RGS11: variants seen among roughly 807,000 people sequenced by gnomAD.
RGS11 encodes the protein regulator of G-protein signaling 11.
RGS11 carries 86 observed loss-of-function variants against 71.1 expected under a neutral mutation model. The ratio of observed to expected loss-of-function variants is 1.21; its 90% CI spans 1.02 to 1.45. RGS11 has a LOEUF of 1.45. Ranked by LOEUF, RGS11 falls within the 40% of genes most tolerant of loss-of-function variation. The pLI is 0.00. For synonymous variants in RGS11, 298 were observed against 254.2 expected, an observed-to-expected ratio of 1.17 and a Z score of -1.64; for missense variants, 734 against 635.1, an observed-to-expected ratio of 1.16 and a Z score of -1.67.
In RGS11 at chr16:275,067, C is replaced by T. The variant is rs2141428202; in HGVS notation, c.227G>A (p.Gly76Asp). 1 of 1,481,632 alleles carries T rather than the reference C, an allele frequency of 6.7e-7. No individual in the cohort carries two copies. Among genetic ancestry groups the T allele is most frequent in the East Asian group, 2.4e-5 (1 of 40,850 alleles). 91.8% of individuals were successfully genotyped at this position (1,481,632 alleles called of 1,614,324 possible). The part of the protein sequence containing the change: ...CVSEEEALHL[G>D]AVLVQHGYIY... ...GTAGCCATGCTGCACCAGGACGGCG[C>T]CCAGGTGCAGGGCCTCTGGGGAGGG... The change falls in exon 4 of 17, where the codon GGC becomes GAC. Residue 76 changes from glycine (G) to aspartate (D), a missense_variant. Gly to Asp is a moderately conservative substitution (Grantham distance 94, BLOSUM62 -1). Transcript: ENST00000397770.
At position 274,074 on chromosome 16, in the gene RGS11, C is replaced by T. The variant is rs757411764; in HGVS notation, c.398G>A (p.Arg133Gln). The stretch of plus-strand genomic sequence containing the variant: ...ATAATCCACCAGGGTCCCCCGTTTT[C>T]GGATGTTCTTCTTGGCCAGGTAGAT... ...YAIYLAKKNI[R>Q]KRGTLVDYEK... Residue 133 changes from arginine (R) to glutamine (Q), a missense_variant, in exon 6 of 17, where the codon CGA becomes CAA. Arg to Gln is a conservative substitution (Grantham distance 43). Coordinates refer to ENST00000397770, the MANE Select transcript of RGS11 (RefSeq NM_183337.3). 1.2e-5 allele frequency: 19 copies of T among 1,551,186 alleles called. No individual in the cohort carries two copies. Among genetic ancestry groups the T allele is most frequent in the Non-Finnish European group, 1.7e-5 (19 of 1,147,238 alleles).
In RGS11 at chr16:274,892, G is replaced by C. The variant is rs540456686; in HGVS notation, c.318+84C>G. On this transcript the variant is annotated intron_variant, in intron 4 of 16. Transcript: ENST00000397770. Reference sequence around the variant, plus strand: ...CCACTCCAATCCCAGCAAGCTCGGCGCCCCTCCTGTCTCCCCGAGTTGGTA... The same window carrying C: ...CCACTCCAATCCCAGCAAGCTCGGCCCCCCTCCTGTCTCCCCGAGTTGGTA... 228 of 1,235,228 alleles carry C rather than the reference G, an allele frequency of 1.8e-4. 1 individual carries two copies. In the African/African-American group the frequency reaches 3.3e-3, roughly 18 times the overall value. 76.5% of individuals were successfully genotyped at this position (1,235,228 alleles called of 1,614,324 possible).
rs1247549897 is a variant in RGS11 at position 275,005 on chromosome 16, G to A, written c.289C>T (p.Arg97Trp). 2.6e-6 allele frequency: 4 copies of A among 1,533,860 alleles called. No homozygotes were observed. The highest frequency in any genetic ancestry group is 3.5e-6 in the Non-Finnish European group (4 of 1,137,824). The change falls in exon 4 of 17, where the codon CGG becomes TGG. Residue 97 changes from arginine to tryptophan, a missense_variant. Arg to Trp is a moderately radical substitution (Grantham distance 101). Transcript: ENST00000397770. The part of the protein sequence containing the change: ...PLRDPRSLML[R>W]PDETPYRFQT... ...AACCTGTAGGGCGTCTCGTCTGGCC[G>A]GAGCATGAGGCTACGGGGGTCGCGC... is the stretch of plus-strand genomic sequence containing the variant.
In RGS11 at chr16:275,456, C is replaced by G; in HGVS notation, c.106G>C (p.Val36Leu). Residue 36 changes from valine to leucine, a missense_variant, in exon 2 of 17, where the codon GTG becomes CTG. Transcript: ENST00000397770. ...VVSMQDPDQG[V>L]KMRSQRLLVT... Reference sequence around the variant, plus strand: ...AGCAGGCGCTGGCTCCGCATCTTCACGCCCTGGTCGGGGTCCTGCATGCTC... The same window carrying G: ...AGCAGGCGCTGGCTCCGCATCTTCAGGCCCTGGTCGGGGTCCTGCATGCTC... The G allele has an allele frequency of 6.3e-7, 1 of 1,594,954 alleles. No homozygotes were observed. Among genetic ancestry groups the G allele is most frequent in the South Asian group, 1.1e-5 (1 of 90,520 alleles).
Position 275,265 on chromosome 16 carries a change from G to A in RGS11, c.211+18C>T. On this transcript the variant is annotated intron_variant, in intron 3 of 16. Coordinates refer to ENST00000397770, the MANE Select transcript of RGS11 (RefSeq NM_183337.3). Reference sequence around the variant, plus strand: ...CAGCCCAGTGACCCCAGGGCCCAGTGGGAGGCAGGGCGCTCACCCTCCTCC... The same window carrying A: ...CAGCCCAGTGACCCCAGGGCCCAGTAGGAGGCAGGGCGCTCACCCTCCTCC... The A allele has an allele frequency of 1.2e-6, 2 of 1,612,428 alleles. No homozygotes were observed. The highest frequency in any genetic ancestry group is 3.3e-5 in the Admixed American group (2 of 60,020).
At chr16:275,752 C>T in intron 1 of RGS11, 97 bp downstream of exon 1, 1 of 284,146 alleles carries the variant, frequency 3.5e-6, no homozygotes, top group Non-Finnish European at 4.9e-6. Context: ...CAGGCCCGCC[C>T]CGCCCCGCGC....
rs117328895 is a variant in RGS11 at position 269,479 on chromosome 16, C to T, written c.1289+24G>A. 4,379 of 1,610,964 alleles carry T rather than the reference C, an allele frequency of 2.7e-3. 208 individuals carry two copies. The East Asian group carries it at 0.085, about 31-fold the overall frequency. On this transcript the variant is annotated intron_variant, in intron 16 of 16. Transcript: ENST00000397770. ...GCAGCCCCCAGGCCACAGCCGCCGG[C>T]CACAGGGCACTGCCTGGGCTCACCG...
intron 3 of RGS11, 29 bp downstream of exon 3, chr16:275,254 C>T (rs2052116908): frequency 6.2e-7 from 1 of 1,612,178 alleles, no homozygotes; most frequent in Admixed American, 1.7e-5. Flanking sequence ...CCAGTGACCC[C>T]AGGGCCCAGT....
chr16:274,442 A>G lies in RGS11; in HGVS notation c.319-177T>C. On this transcript the variant is annotated intron_variant, in intron 4 of 16. Transcript: ENST00000397770. ...ACCACTGGCCAGTCTCTCCAACTAG[A>G]ACTGAGGTCAACTCGCTCCTTAGGG... The G allele has an allele frequency of 6.2e-6, 4 of 641,026 alleles. No homozygotes were observed. In the South Asian group the frequency reaches 7.5e-5, roughly 12 times the overall value. The allele number at this position is 641,026 out of a possible 1,614,324, so 39.7% of individuals were successfully genotyped here.
At chr16:275,190 G>GC (rs1366999614) in intron 3 of RGS11, 93 bp downstream of exon 3, 1 of 1,599,860 alleles carries the variant, frequency 6.3e-7, no homozygotes. Context: ...AGCGCGCTCA[G>GC]CAGGGCTCTG....
Position 269,491 on chromosome 16 carries a change from G to A in RGS11, c.1289+12C>T, listed in dbSNP as rs759242927. On this transcript the variant is annotated intron_variant, in intron 16 of 16. Transcript: ENST00000397770. ...CCACAGCCGCCGGCCACAGGGCACTGCCTGGGCTCACCGTCTCTTCATCTC... is the reference window on the plus strand; with the variant it reads ...CCACAGCCGCCGGCCACAGGGCACTACCTGGGCTCACCGTCTCTTCATCTC... 2 of 1,612,346 alleles carry A rather than the reference G, an allele frequency of 1.2e-6. No individual in the cohort carries two copies. Among genetic ancestry groups the A allele is most frequent in the East Asian group, 2.2e-5 (1 of 44,874 alleles).
At chr16:269,827 A>G (rs967807916) in intron 15 of RGS11, 1 of 502,688 alleles carries the variant, frequency 2.0e-6, no homozygotes, top group Non-Finnish European at 3.5e-6. Context: ...GGCCACGTGT[A>G]GAGGAATAAA....
rs766186232 is a variant in RGS11, at chr16:269,111, A to T, written c.*158T>A. On this transcript the variant is annotated 3_prime_UTR_variant, in exon 17 of 17. Transcript: ENST00000397770. ...CAGGGAGGGCTTGCTGGAGGGAGGG[A>T]GGCTGTGCACCCCACAGAAGACTGG... The T allele has an allele frequency of 2.9e-5, 26 of 891,030 alleles. No individual in the cohort carries two copies. Among genetic ancestry groups the T allele is most frequent in the Non-Finnish European group, 3.5e-5 (19 of 549,502 alleles). 55.2% of individuals were successfully genotyped at this position (891,030 alleles called of 1,614,324 possible). A position where few individuals can be genotyped will look rare whatever the true frequency, so the allele number is the denominator to read the frequency against.
At chr16:270,487 A>G (rs1349302240) in intron 15 of RGS11, 36 bp downstream of exon 15, 4 of 1,569,360 alleles carry the variant, frequency 2.5e-6, no homozygotes, top group Non-Finnish European at 3.5e-6. Flanking sequence ...GTCTGGGATG[A>G]CCCCTCCTGC....
chr16:270,970 TG>T lies in RGS11; in HGVS notation c.979+13del, dbSNP rs756223822. On this transcript the variant is annotated intron_variant, in intron 13 of 16. Transcript: ENST00000397770. Reference sequence around the variant, plus strand: ...TCCCCGCTGGGACTGGAGCAGGGGCTGGGGGGTTCTCACCACTGAACTCCTT... The same window carrying T: ...TCCCCGCTGGGACTGGAGCAGGGGCTGGGGGTTCTCACCACTGAACTCCTT... The T allele has an allele frequency of 1.9e-6, 3 of 1,599,848 alleles. No homozygotes were observed. The highest frequency in any genetic ancestry group is 2.2e-5 in the East Asian group (1 of 44,784).
At chr16:274,691 C>T (rs2052086255) in intron 4 of RGS11, 1 of 677,284 alleles carries the variant, frequency 1.5e-6, no homozygotes, top group African/African-American at 1.8e-5. Flanking sequence ...TAGGGACCCC[C>T]AGGAAGATGG....
intron 15 of RGS11, among the ~76,000 whole-genome samples, chr16:270,119 G>T (rs1387062927): frequency 1.3e-5 from 2 of 152,048 alleles, no homozygotes; most frequent in Admixed American, 1.3e-4. Flanking sequence ...CGTGGTGGCG[G>T]GCGCCTGTAG....
At chr16:275,228 G>A in intron 3 of RGS11, 55 bp downstream of exon 3, 1 of 1,610,148 alleles carries the variant, frequency 6.2e-7, no homozygotes. Context: ...GGAAAACCCA[G>A]GCCTAGGCCA....
At chr16:272,239 T>C in intron 9 of RGS11, 2 of 1,199,078 alleles carry the variant, frequency 1.7e-6, no homozygotes, top group Non-Finnish European at 2.1e-6. Flanking sequence ...GTGACCTTCA[T>C]TGGTCGGCAC....
Sources: allele counts gnomAD v4.1 joint callset (sites outside exome capture counted in the v4.1 genomes callset), GRCh38; gene constraint gnomAD v4.1.1; transcripts MANE v1.5; gene names NCBI Gene and HGNC (gene_info 2026-07-23, HGNC 2026-07-21).